The following SLC30A7 variants were observed in gnomAD, a reference collection of about 807,000 sequenced individuals.
SLC30A7 encodes the protein zinc transporter 7.
Under a neutral mutation model 46.0 loss-of-function variants are expected in SLC30A7, and 35 were observed. That is an observed-to-expected ratio of 0.76 (90% CI 0.58 to 1.01). The LOEUF (loss-of-function observed/expected upper bound fraction) is 1.01. SLC30A7 is among the 50% of genes least tolerant of loss of function. The pLI is 0.00. For missense variants in SLC30A7, 464 were observed against 451.1 expected, an observed-to-expected ratio of 1.03 and a Z score of -0.26; for synonymous variants, 147 against 157.8, an observed-to-expected ratio of 0.93 and a Z score of 0.51.
intron 3 of SLC30A7, 35 bp downstream of exon 3, chr1:100,907,000 G>A: frequency 7.4e-7 from 1 of 1,350,360 alleles, no homozygotes; most frequent in African/African-American, 1.5e-5. Context: ...TTTTATTGAA[G>A]TATAAGATAT....
the SLC30A7 span, among the ~76,000 whole-genome samples, chr1:100,992,259 G>A: frequency 2.0e-5 from 3 of 151,848 alleles, no homozygotes; most frequent in Non-Finnish European, 4.4e-5. Flanking sequence ...ATGAAAGGAG[G>A]GAGAATAAAA....
chr1:100,971,271 G>A (rs1656146027), intron 10 of SLC30A7, among the ~76,000 whole-genome samples: 1 of 152,156 alleles, frequency 6.6e-6, no homozygotes, highest in Admixed American at 6.5e-5. Context: ...GGGGTACAGA[G>A]TAGGAGAAAG....
intron 8 of SLC30A7, among the ~76,000 whole-genome samples, chr1:100,923,192 A>G (rs1166015866): frequency 1.5e-5 from 2 of 134,928 alleles, no homozygotes; most frequent in Non-Finnish European, 3.2e-5. Flanking sequence ...AATTTTTTGT[A>G]TTTTTAGTAG....
chr1:100,917,402 A>G (rs1652639429), intron 6 of SLC30A7, among the ~76,000 whole-genome samples: 3 of 152,180 alleles, frequency 2.0e-5, no homozygotes, highest in South Asian at 4.1e-4. Context: ...GCTGTGGGCC[A>G]TGAACAAATG....
At chr1:100,952,284 T>A (rs1161362078) in intron 8 of SLC30A7, among the ~76,000 whole-genome samples, 2 of 152,238 alleles carry the variant, frequency 1.3e-5, no homozygotes, top group Admixed American at 1.3e-4. Flanking sequence ...TTTAGCTGTG[T>A]GAGCTTGGAC....
chr1:100,929,503 A>G (rs1390703820), intron 8 of SLC30A7, among the ~76,000 whole-genome samples: 1 of 152,156 alleles, frequency 6.6e-6, no homozygotes, highest in Non-Finnish European at 1.5e-5. Context: ...TAAATAGAGT[A>G]TAAAGAAGTA....
Position 100,975,167 on chromosome 1 carries a change from CTGTT to C in SLC30A7, c.*320_*323del, listed in dbSNP as rs1281463165. The C allele has an allele frequency of 2.6e-5, 6 of 228,264 alleles. No individual in the cohort carries two copies. The highest frequency in any genetic ancestry group is 5.7e-5 in the Admixed American group (1 of 17,548). 14.1% of individuals were successfully genotyped at this position (228,264 alleles called of 1,614,324 possible). On this transcript the variant is annotated 3_prime_UTR_variant, in exon 11 of 11. Coordinates refer to ENST00000357650, the MANE Select transcript of SLC30A7 (RefSeq NM_133496.5). ...GTCTTTCTTTTTTTGTTTTTGTTTT[CTGTT>C]TGTTTGTTTTCATGTTGAATGCCCA...
chr1:100,902,209 A>G (rs1192202804), intron 2 of SLC30A7, among the ~76,000 whole-genome samples: 1 of 152,224 alleles, frequency 6.6e-6, no homozygotes, highest in Non-Finnish European at 1.5e-5. Flanking sequence ...ATGTTCTTCC[A>G]TCTCAGAAGA....
chr1:100,958,700 A>C (rs1260286781), intron 8 of SLC30A7, among the ~76,000 whole-genome samples: 3 of 152,244 alleles, frequency 2.0e-5, no homozygotes, highest in African/African-American at 4.8e-5. Context: ...TTATGAATTA[A>C]TTATGTTTAA....
At chr1:100,966,663 T>TA in intron 10 of SLC30A7, among the ~76,000 whole-genome samples, 2 of 152,308 alleles carry the variant, frequency 1.3e-5, no homozygotes, top group South Asian at 4.1e-4. Flanking sequence ...TTTTAGTTAA[T>TA]ATTCTTCAGG....
At chr1:100,986,935 G>GT in the SLC30A7 span, among the ~76,000 whole-genome samples, 1 of 152,190 alleles carries the variant, frequency 6.6e-6, no homozygotes, top group East Asian at 1.9e-4. Flanking sequence ...CAGCCTTCAG[G>GT]TATTTCTATT....
chr1:100,901,212 TTTTTACATTTGG>T (rs1239269333), intron 2 of SLC30A7, among the ~76,000 whole-genome samples: 1 of 152,194 alleles, frequency 6.6e-6, no homozygotes, highest in Non-Finnish European at 1.5e-5. Context: ...TCATAAATTC[TTTTTACATTTGG>T]TTTTACAGAT....
At chr1:100,915,932 T>G (rs1191852684) in intron 6 of SLC30A7, among the ~76,000 whole-genome samples, 1 of 152,164 alleles carries the variant, frequency 6.6e-6, no homozygotes, top group East Asian at 1.9e-4. Context: ...TTCCCAACAC[T>G]TACTGTCTTT....
chr1:100,961,019 A>T (rs1030510355), intron 8 of SLC30A7, among the ~76,000 whole-genome samples: 1 of 137,730 alleles, frequency 7.3e-6, no homozygotes, highest in Non-Finnish European at 1.5e-5. Context: ...CAGTGGTGCG[A>T]TCTCGGCTCA....
intron 8 of SLC30A7, among the ~76,000 whole-genome samples, chr1:100,929,360 G>T (rs1289696864): frequency 6.6e-6 from 1 of 151,750 alleles, no homozygotes; most frequent in Non-Finnish European, 1.5e-5. Flanking sequence ...ATTTAAAAAA[G>T]AAAACAAACT....
intron 8 of SLC30A7, among the ~76,000 whole-genome samples, chr1:100,933,803 A>G: frequency 6.6e-6 from 1 of 152,098 alleles, no homozygotes; most frequent in Non-Finnish European, 1.5e-5. Context: ...CATTTTCTTA[A>G]TCCAGTCTAT....
At chr1:100,992,114 A>G in the SLC30A7 span, among the ~76,000 whole-genome samples, 4 of 151,604 alleles carry the variant, frequency 2.6e-5, no homozygotes, top group Non-Finnish European at 5.9e-5. Context: ...AAAAAAAAGA[A>G]CCTCCCATAA....
chr1:100,913,779 C>T lies in SLC30A7; in HGVS notation c.628C>T (p.His210Tyr). The T allele has an allele frequency of 6.2e-7, 1 of 1,613,680 alleles. No individual in the cohort carries two copies. The highest frequency in any genetic ancestry group is 8.5e-7 in the Non-Finnish European group (1 of 1,179,630). The change falls in exon 6 of 11, where the codon CAT becomes TAT. Residue 210 changes from histidine (H) to tyrosine (Y), a missense_variant. His to Tyr is a moderately conservative substitution (Grantham distance 83). Coordinates refer to ENST00000357650, the MANE Select transcript of SLC30A7 (RefSeq NM_133496.5). ...HGAAHSHDHA[H>Y]GHGHFHSHDG... ...TGCTGCACATAGCCATGATCATGCT[C>T]ATGGACATGGACACTTTCATTCTCA...
Position 100,954,796 on chromosome 1 carries a change from A to C in SLC30A7, c.843-7032A>C, listed in dbSNP as rs146928602. On this transcript the variant is annotated intron_variant, in intron 8 of 10. Transcript: ENST00000357650. Reference sequence around the variant, plus strand: ...TAATAGGTAATTATCCATCACTATGAATTAATTATATTTATGCAAATGTGA... The same window carrying C: ...TAATAGGTAATTATCCATCACTATGCATTAATTATATTTATGCAAATGTGA... Among the ~76,000 whole-genome samples the C allele has an allele frequency of 7.8e-3, 1,184 of 152,182 alleles. 12 individuals are homozygous for C. Among genetic ancestry groups the C allele is most frequent in the African/African-American group, 0.027 (1,122 of 41,554 alleles).
Sources: allele counts gnomAD v4.1 joint callset (sites outside exome capture counted in the v4.1 genomes callset), GRCh38; gene constraint gnomAD v4.1.1; transcripts MANE v1.5; gene names NCBI Gene and HGNC (gene_info 2026-07-23, HGNC 2026-07-21).